NRG3: variants seen among roughly 807,000 people sequenced by gnomAD.
NRG3 encodes pro-neuregulin-3, membrane-bound isoform.
NRG3 carries 31 observed loss-of-function variants against 66.9 expected under a neutral mutation model. The observed-to-expected ratio is 0.46, with a 90% CI of 0.35 to 0.63. The LOEUF (loss-of-function observed/expected upper bound fraction) is 0.63, where lower values mean the gene tolerates loss of function less well. Among genes scored for constraint, NRG3 ranks in the 20% least tolerant of loss-of-function variants. The pLI, the probability that NRG3 is intolerant of heterozygous loss-of-function variation, is 0.00. For missense variants in NRG3, 910 were observed against 878.9 expected (o/e 1.04, Z -0.45); for synonymous variants, 393 against 359.4 (o/e 1.09, Z -1.06).
At chr10:82,536,817 A>G (rs1847857151) in intron 2 of NRG3, among the ~76,000 whole-genome samples, 1 of 152,046 alleles carries the variant, frequency 6.6e-6, no homozygotes, top group South Asian at 2.1e-4. Flanking sequence ...TTGGGCCTCA[A>G]GGGTTCTTAT....
chr10:82,928,246 T>A (rs1218998334), intron 4 of NRG3, among the ~76,000 whole-genome samples: 1 of 152,244 alleles, frequency 6.6e-6, no homozygotes, highest in African/African-American at 2.4e-5. Context: ...TAGTGCTTTG[T>A]CAGATGGATA....
At chr10:82,496,699 T>C (rs1304147579) in intron 2 of NRG3, among the ~76,000 whole-genome samples, 1 of 152,192 alleles carries the variant, frequency 6.6e-6, no homozygotes, top group East Asian at 1.9e-4. Context: ...TATCAAAGTT[T>C]ACTAAACTTT....
chr10:82,041,810 A>ATCTCTCTCTCTC (rs71007288), intron 1 of NRG3, among the ~76,000 whole-genome samples: 1 of 93,980 alleles, frequency 1.1e-5, no homozygotes, highest in Non-Finnish European at 2.6e-5. Context: ...TGGTCTACTG[A>ATCTCTCTCTCTC]TCTCTCTCTC....
At chr10:82,481,870 T>G (rs1842299133) in intron 2 of NRG3, among the ~76,000 whole-genome samples, 1 of 152,066 alleles carries the variant, frequency 6.6e-6, no homozygotes, top group South Asian at 2.1e-4. Flanking sequence ...GCCTGTAATC[T>G]TAGCTACTTT....
intron 1 of NRG3, among the ~76,000 whole-genome samples, chr10:82,301,923 GT>G (rs2134785740): frequency 6.6e-6 from 1 of 151,714 alleles, no homozygotes; most frequent in Non-Finnish European, 1.5e-5. Flanking sequence ...AAATGGCTTG[GT>G]TCTGTTTAAC....
intron 2 of NRG3, among the ~76,000 whole-genome samples, chr10:82,370,553 G>T (rs1276965241): frequency 9.5e-6 from 1 of 105,320 alleles, no homozygotes; most frequent in Non-Finnish European, 1.7e-5. Flanking sequence ...AGGGATGCGG[G>T]CATCTAGGCT....
intron 1 of NRG3, among the ~76,000 whole-genome samples, chr10:82,030,079 T>C (rs2062493726): frequency 6.6e-6 from 1 of 152,124 alleles, no homozygotes; most frequent in Non-Finnish European, 1.5e-5. Flanking sequence ...TTGCTCGCTC[T>C]TGGCATGGGT....
intron 1 of NRG3, among the ~76,000 whole-genome samples, chr10:82,320,818 G>A (rs141636030): frequency 1.6e-4 from 25 of 152,166 alleles, no homozygotes; most frequent in East Asian, 1.6e-3. Flanking sequence ...CTGTTTTCAC[G>A]CCCAAATGTT....
intron 1 of NRG3, among the ~76,000 whole-genome samples, chr10:82,336,625 C>G (rs746651929): frequency 6.6e-6 from 1 of 151,188 alleles, no homozygotes; most frequent in African/African-American, 2.4e-5. Flanking sequence ...CTGGTTCAAG[C>G]GATTCTCCTG....
intron 2 of NRG3, among the ~76,000 whole-genome samples, chr10:82,573,202 A>G (rs1223964130): frequency 1.3e-5 from 2 of 151,790 alleles, no homozygotes; most frequent in Non-Finnish European, 2.9e-5. Context: ...TGCCTTTGTT[A>G]GAGACCCAAG....
intron 1 of NRG3, among the ~76,000 whole-genome samples, chr10:82,075,135 A>G (rs753150674): frequency 6.6e-6 from 1 of 152,184 alleles, no homozygotes; most frequent in Non-Finnish European, 1.5e-5. Flanking sequence ...CTTTTCTTAC[A>G]CTGCTTAGAA....
In NRG3 at chr10:82,776,906, C is replaced by A. The variant is rs560595713; in HGVS notation, c.1027+38256C>A. Among the ~76,000 whole-genome samples the A allele has an allele frequency of 2.5e-4, 38 of 152,114 alleles. No homozygotes were observed. In the South Asian group the frequency reaches 7.5e-3, roughly 30 times the overall value. ...ATATGATTATGTATTCATCTTCAGGCAATTTGTAATTTTCATTTATATGGG... is the reference window on the plus strand; with the variant it reads ...ATATGATTATGTATTCATCTTCAGGAAATTTGTAATTTTCATTTATATGGG... On this transcript the variant is annotated intron_variant, in intron 3 of 8. Transcript: ENST00000372141.
In NRG3 at chr10:81,967,147, T is replaced by C. The variant is rs2059762546; in HGVS notation, c.823+90984T>C. Reference sequence around the variant, plus strand: ...CCTAATATTCATTATGTATCATATATTTGTAGCTATAAATTTTCCTTTGAA... The same window carrying C: ...CCTAATATTCATTATGTATCATATACTTGTAGCTATAAATTTTCCTTTGAA... On this transcript the variant is annotated intron_variant, in intron 1 of 8. Transcript: ENST00000372141. 2.0e-5 allele frequency among the ~76,000 whole-genome samples: 3 copies of C among 152,070 alleles called. No individual in the cohort carries two copies. In the South Asian group the frequency reaches 6.2e-4, roughly 32 times the overall value.
intron 1 of NRG3, among the ~76,000 whole-genome samples, chr10:82,091,979 T>A (rs1020728209): frequency 6.6e-6 from 1 of 152,198 alleles, no homozygotes; most frequent in Non-Finnish European, 1.5e-5. Flanking sequence ...TATACAGTTT[T>A]CAAGGTTGAA....
intron 1 of NRG3, among the ~76,000 whole-genome samples, chr10:82,014,356 C>T (rs1034685135): frequency 6.6e-6 from 1 of 152,116 alleles, no homozygotes; most frequent in Non-Finnish European, 1.5e-5. Context: ...TACCCAAGGT[C>T]CCACCTGTCA....
intron 1 of NRG3, among the ~76,000 whole-genome samples, chr10:82,281,596 A>G (rs950415572): frequency 4.6e-5 from 7 of 152,166 alleles, no homozygotes; most frequent in Non-Finnish European, 8.8e-5. Flanking sequence ...TGCAGCTTGC[A>G]TGAGGAGGAC....
intron 2 of NRG3, among the ~76,000 whole-genome samples, chr10:82,528,860 TC>T (rs1846982105): frequency 6.6e-6 from 1 of 152,108 alleles, no homozygotes; most frequent in Non-Finnish European, 1.5e-5. Context: ...ACTAAATGTT[TC>T]CTCTTTTTTA....
intron 1 of NRG3, among the ~76,000 whole-genome samples, chr10:82,331,969 G>C (rs1332165749): frequency 6.6e-6 from 1 of 152,182 alleles, no homozygotes; most frequent in Non-Finnish European, 1.5e-5. Flanking sequence ...TGCTGGCAGT[G>C]ATCCAGTGAC....
In NRG3 at chr10:82,917,302, C is replaced by A. The variant is rs189031121; in HGVS notation, c.1055-34167C>A. 9.9e-4 allele frequency among the ~76,000 whole-genome samples: 151 copies of A among 152,066 alleles called. No individual in the cohort carries two copies. The South Asian group carries it at 0.011, about 11-fold the overall frequency. The stretch of plus-strand genomic sequence containing the variant: ...AGCTCAGGTTATGGTCTTAGTAAAT[C>A]TCCTGAGTGTAACGTCTTGACCAAA... On this transcript the variant is annotated intron_variant, in intron 4 of 8. Transcript: ENST00000372141.
Sources: allele counts gnomAD v4.1 joint callset (sites outside exome capture counted in the v4.1 genomes callset), GRCh38; gene constraint gnomAD v4.1.1; transcripts MANE v1.5; gene names NCBI Gene and HGNC (gene_info 2026-07-23, HGNC 2026-07-21).